The following UBE2O variants were observed in gnomAD, a reference collection of about 807,000 sequenced individuals.
UBE2O encodes the protein ubiquitin conjugating enzyme E2 O, also known as (E3-independent) E2 ubiquitin-conjugating enzyme.
UBE2O carries 15 observed loss-of-function variants against 125.8 expected under a neutral mutation model. That is an observed-to-expected ratio of 0.12 (90% confidence interval 0.08 to 0.18). The LOEUF is 0.18. UBE2O is among the 10% of genes least tolerant of loss of function. The pLI, the probability that UBE2O is intolerant of heterozygous loss-of-function variation, is 1.00. For synonymous variants in UBE2O, 708 were observed against 703.2 expected, an observed-to-expected ratio of 1.01 and a Z score of -0.11; for missense variants, 1,280 against 1,723.6, an observed-to-expected ratio of 0.74 and a Z score of 4.56.
At chr17:76,437,465 G>A (rs1156499988) in intron 1 of UBE2O, among the ~76,000 whole-genome samples, 84 of 143,908 alleles carry the variant, frequency 5.8e-4, no homozygotes, top group Middle Eastern at 3.5e-3. Flanking sequence ...AAAAAAAAAA[G>A]AAAAAGAAAA....
intron 1 of UBE2O, among the ~76,000 whole-genome samples, chr17:76,442,708 G>C (rs1157977891): frequency 6.6e-6 from 1 of 152,166 alleles, no homozygotes; most frequent in South Asian, 2.1e-4. Context: ...TGTAGGTGAG[G>C]GGCCCTGAAT....
At position 76,390,965 on chromosome 17, in the gene UBE2O, GGCATGCCTGC is replaced by G; in HGVS notation, c.3847_3856del (p.Ala1283ArgfsTer63). 1 of 1,610,668 alleles carries G rather than the reference GGCATGCCTGC, an allele frequency of 6.2e-7. No individual in the cohort carries two copies. Among genetic ancestry groups the G allele is most frequent in the Non-Finnish European group, 8.5e-7 (1 of 1,178,540 alleles). On this transcript the variant is annotated frameshift_variant, in exon 18 of 18. Coordinates refer to ENST00000319380, the MANE Select transcript of UBE2O (RefSeq NM_022066.4). LOFTEE classifies it high-confidence loss of function. Reference sequence around the variant, plus strand: ...CAGCTACTTGTCCTCTGTGCACTCCGGCATGCCTGCCTCTAGCAGGGCAGCCCGGAACTGC... The same window carrying G: ...CAGCTACTTGTCCTCTGTGCACTCCGCTCTAGCAGGGCAGCCCGGAACTGC...
chr17:76,439,843 C>A (rs192963976), intron 1 of UBE2O, among the ~76,000 whole-genome samples: 11 of 152,318 alleles, frequency 7.2e-5, no homozygotes, highest in Non-Finnish European at 8.8e-5. Flanking sequence ...CTAATGCTCC[C>A]CACCACATCC....
chr17:76,416,671 G>A (rs917347181), intron 1 of UBE2O, among the ~76,000 whole-genome samples: 8 of 152,136 alleles, frequency 5.3e-5, no homozygotes, highest in South Asian at 2.1e-4. Flanking sequence ...ATACCATCCC[G>A]GGATGCTGGC....
rs2072266940 is a variant in UBE2O, at chr17:76,398,995, CG to C, written c.1629-5del. The C allele has an allele frequency of 1.2e-6, 2 of 1,613,046 alleles. No homozygotes were observed. The highest frequency in any genetic ancestry group is 1.3e-5 in the African/African-American group (1 of 74,932). Reference sequence around the variant, plus strand: ...GGTCACCACCTCCACTGCCACCCTGCGGGTGCAGGCCAGTCAGCAGGCCATG... The same window carrying C: ...GGTCACCACCTCCACTGCCACCCTGCGGTGCAGGCCAGTCAGCAGGCCATG... On this transcript the variant is annotated splice_polypyrimidine_tract_variant and splice_region_variant and intron_variant, in intron 9 of 17. Transcript: ENST00000319380. This position sits in a 1 kb window ranked among gnomAD's most constrained non-coding sequence, Gnocchi z 5.4.
Position 76,396,394 on chromosome 17 carries a change from G to A in UBE2O, c.2543C>T (p.Thr848Ile), listed in dbSNP as rs778395640. Residue 848 changes from threonine to isoleucine, a missense_variant, in exon 14 of 18, where the codon ACT becomes ATT. Thr to Ile is a moderately conservative substitution (Grantham distance 89). Coordinates refer to ENST00000319380, the MANE Select transcript of UBE2O (RefSeq NM_022066.4). This position sits in a 1 kb window ranked among gnomAD's most constrained non-coding sequence, Gnocchi z 6.7. ...GTCATCCAGAAACTTCTTCTCCCGA[G>A]TTGGCTTCTCAGGCTCCACAGTCGG... ...TSPTVEPEKP[T>I]REKKFLDDIK... 3 of 1,614,156 alleles carry A rather than the reference G, an allele frequency of 1.9e-6. No individual in the cohort carries two copies. The highest frequency in any genetic ancestry group is 2.5e-6 in the Non-Finnish European group (3 of 1,180,034).
chr17:76,437,336 G>A (rs1196858202), intron 1 of UBE2O, among the ~76,000 whole-genome samples: 1 of 151,438 alleles, frequency 6.6e-6, no homozygotes, highest in Non-Finnish European at 1.5e-5. Context: ...TGTAGTCCCA[G>A]CTACTCAGGA....
intron 15 of UBE2O, among the ~76,000 whole-genome samples, chr17:76,393,432 ACC>A (rs2072149955): frequency 6.6e-6 from 1 of 151,584 alleles, no homozygotes; most frequent in Non-Finnish European, 1.5e-5. Context: ...ACGGGGTTTC[ACC>A]ATGTTGGTCA....
At chr17:76,392,345 C>T (rs1240583946) in intron 15 of UBE2O, among the ~76,000 whole-genome samples, 2 of 151,970 alleles carry the variant, frequency 1.3e-5, no homozygotes, top group Admixed American at 6.5e-5. Context: ...GCTGTGTCCC[C>T]CAGGCTGGAG....
At chr17:76,447,386 C>T (rs529255002) in intron 1 of UBE2O, among the ~76,000 whole-genome samples, 53 of 152,296 alleles carry the variant, frequency 3.5e-4, no homozygotes, top group African/African-American at 1.2e-3. Context: ...TTGTTGTGAG[C>T]GTGAAGTAAA....
chr17:76,414,625 G>A (rs1038353633), intron 1 of UBE2O, among the ~76,000 whole-genome samples: 4 of 152,188 alleles, frequency 2.6e-5, no homozygotes, highest in African/African-American at 4.8e-5. Flanking sequence ...CTGGAAACTC[G>A]GCTGCAGCTC....
intron 1 of UBE2O, among the ~76,000 whole-genome samples, chr17:76,420,173 C>G (rs943133017): frequency 1.3e-5 from 2 of 152,184 alleles, no homozygotes; most frequent in African/African-American, 2.4e-5. Flanking sequence ...ATGCACCGTA[C>G]CTTCCTAGGC....
In UBE2O at chr17:76,397,866, C is replaced by T. The variant is rs774723942; in HGVS notation, c.2048G>A (p.Arg683His). 5.0e-6 allele frequency: 8 copies of T among 1,614,164 alleles called. No individual in the cohort carries two copies. Among genetic ancestry groups the T allele is most frequent in the East Asian group, 2.2e-5 (1 of 44,888 alleles). ...CTCCACCTTGCTGCTGACGTCCACA[C>T]GGGCCACCTGGCCCACCGATGGCTG... ...EDEPSVGQVA[R>H]VDVSSKVEVV... The change falls in exon 13 of 18, where the codon CGT becomes CAT. Residue 683 changes from arginine (R) to histidine (H), a missense_variant. Around this residue, in one of 10 missense-constraint regions of UBE2O, gnomAD observed 210 missense variants for 268.9 expected, o/e 0.78. Transcript: ENST00000319380.
intron 1 of UBE2O, among the ~76,000 whole-genome samples, chr17:76,426,657 C>A (rs944310256): frequency 3.3e-5 from 5 of 152,112 alleles, no homozygotes; most frequent in Admixed American, 2.0e-4. Flanking sequence ...AATCAATATC[C>A]CTCCTACACT....
At position 76,400,568 on chromosome 17, in the gene UBE2O, G is replaced by T. The variant is rs770145956; in HGVS notation, c.895-18C>A. The T allele has an allele frequency of 8.8e-5, 138 of 1,562,656 alleles. No individual in the cohort carries two copies. Among genetic ancestry groups the T allele is most frequent in the Non-Finnish European group, 1.1e-4 (130 of 1,139,472 alleles). On this transcript the variant is annotated intron_variant, in intron 6 of 17. Coordinates refer to ENST00000319380, the MANE Select transcript of UBE2O (RefSeq NM_022066.4). The surrounding 1 kb of genome is among the most constrained non-coding windows in gnomAD (Gnocchi z 4.3). The stretch of plus-strand genomic sequence containing the variant: ...ACCTGCACCTGGGGATGGCAGGTGG[G>T]ACACGCCAGTCAGGGCAGGCTCTGA...
In UBE2O at chr17:76,404,310, C is replaced by T. The variant is rs2072380630; in HGVS notation, c.588+896G>A. Reference sequence around the variant, plus strand: ...CATGACCAGGGGTAAAAGTGAACAACCCCAGCACTTTGGCTATGGGGTACC... The same window carrying T: ...CATGACCAGGGGTAAAAGTGAACAATCCCAGCACTTTGGCTATGGGGTACC... On this transcript the variant is annotated intron_variant, in intron 3 of 17. Coordinates refer to ENST00000319380, the MANE Select transcript of UBE2O (RefSeq NM_022066.4). The surrounding 1 kb of genome is among the most constrained non-coding windows in gnomAD (Gnocchi z 4.3). Among the ~76,000 whole-genome samples the T allele has an allele frequency of 6.6e-6, 1 of 152,194 alleles. No homozygotes were observed. The highest frequency in any genetic ancestry group is 1.5e-5 in the Non-Finnish European group (1 of 68,034).
At position 76,395,450 on chromosome 17, in the gene UBE2O, C is replaced by T; in HGVS notation, c.2946+275G>A. On this transcript the variant is annotated intron_variant, in intron 15 of 17. Coordinates refer to ENST00000319380, the MANE Select transcript of UBE2O (RefSeq NM_022066.4). The surrounding 1 kb of genome is among the most constrained non-coding windows in gnomAD (Gnocchi z 5.0). ...CTCGTGATCCACCCACCTCGGCCTC[C>T]CAAAGTGCTGGGATTACGGGTGTGA... The T allele has an allele frequency of 3.4e-6, 1 of 298,006 alleles. No individual in the cohort carries two copies. The highest frequency in any genetic ancestry group is 6.2e-6 in the Non-Finnish European group (1 of 161,750). 18.5% of individuals were successfully genotyped at this position (298,006 alleles called of 1,614,324 possible). A position where few individuals can be genotyped will look rare whatever the true frequency, so the allele number is the denominator to read the frequency against.
Position 76,389,701 on chromosome 17 carries a change from G to A in UBE2O, c.*1242C>T, listed in dbSNP as rs78560743. The A allele has an allele frequency of 2.1e-4, 32 of 152,166 alleles. No individual in the cohort carries two copies. The highest frequency in any genetic ancestry group is 3.5e-4 in the Non-Finnish European group (24 of 67,968). The allele number at this position is 152,166 out of a possible 1,614,324, so 9.4% of individuals were successfully genotyped here. On this transcript the variant is annotated 3_prime_UTR_variant, in exon 18 of 18. Coordinates refer to ENST00000319380, the MANE Select transcript of UBE2O (RefSeq NM_022066.4). ...TTCCAAATGCCACGGTGTGTGGTCCGGCTCCATCCTCCCGCAGCTCTGCTG... is the reference window on the plus strand; with the variant it reads ...TTCCAAATGCCACGGTGTGTGGTCCAGCTCCATCCTCCCGCAGCTCTGCTG...
rs149193728 is a variant in UBE2O, at chr17:76,395,830, C to A, written c.2841G>T (p.Gln947His). The A allele has an allele frequency of 1.5e-5, 25 of 1,614,208 alleles. No individual in the cohort carries two copies. The East Asian group carries it at 5.6e-4, about 36-fold the overall frequency. Residue 947 changes from glutamine to histidine, a missense_variant, in exon 15 of 18, where the codon CAG (glutamine) becomes CAT (histidine). Gln to His is a conservative substitution (Grantham distance 24, BLOSUM62 0). Coordinates refer to ENST00000319380, the MANE Select transcript of UBE2O (RefSeq NM_022066.4). The surrounding 1 kb of genome is among the most constrained non-coding windows in gnomAD (Gnocchi z 5.0). ...SNHSFKKIEFQPPEAKKFFST... is the reference protein window; with the variant it reads ...SNHSFKKIEFHPPEAKKFFST... Reference sequence around the variant, plus strand: ...TGAAGAACTTCTTGGCTTCTGGAGGCTGGAACTCAATTTTCTTAAAAGAAT... The same window carrying A: ...TGAAGAACTTCTTGGCTTCTGGAGGATGGAACTCAATTTTCTTAAAAGAAT...
Sources: allele counts gnomAD v4.1 joint callset (sites outside exome capture counted in the v4.1 genomes callset), GRCh38; gene constraint gnomAD v4.1.1; regional missense constraint gnomAD v4.1.1; non-coding constraint Gnocchi (gnomAD v3.1); transcripts MANE v1.5; gene names NCBI Gene and HGNC (gene_info 2026-07-23, HGNC 2026-07-21).